The following NXN variants were observed in gnomAD, a reference collection of about 807,000 sequenced individuals.
The protein encoded by NXN is nucleoredoxin.
In NXN, 16 loss-of-function variants were observed where a neutral mutation model predicts 48.6. That is an observed-to-expected ratio of 0.33 (90% CI 0.22 to 0.50). The LOEUF is 0.50. NXN is among the 20% of genes least tolerant of loss of function. The probability of loss-of-function intolerance (pLI) is 0.98; values close to 1 mark genes in which losing one functional copy is unlikely to be tolerated. For synonymous variants in NXN, 281 were observed against 269.6 expected, an observed-to-expected ratio of 1.04 and a Z score of -0.41; for missense variants, 492 against 605.5, an observed-to-expected ratio of 0.81 and a Z score of 1.97.
At chr17:803,842 A>G (rs1911336697) in intron 6 of NXN, 36 bp from the exon 7 acceptor site, 2 of 1,612,470 alleles carry the variant, frequency 1.2e-6, no homozygotes, top group Admixed American at 1.7e-5. Context: ...AGACGGGGAG[A>G]AAAAGCACTG....
chr17:878,584 G>C (rs1380412263), intron 1 of NXN, among the ~76,000 whole-genome samples: 1 of 151,852 alleles, frequency 6.6e-6, no homozygotes, highest in Admixed American at 6.6e-5. Flanking sequence ...CACCCGTAAT[G>C]AGGGCTGGCC....
intron 1 of NXN, among the ~76,000 whole-genome samples, chr17:934,880 G>A (rs118084452): frequency 2.0e-5 from 3 of 152,014 alleles, no homozygotes; most frequent in African/African-American, 7.2e-5. Context: ...TCAAAAAAAA[G>A]AAAAGAAAGA....
At position 920,616 on chromosome 17, in the gene NXN, G is replaced by A. The variant is rs1292826769; in HGVS notation, c.360+58703C>T. On this transcript the variant is annotated intron_variant, in intron 1 of 7. Coordinates refer to ENST00000336868, the MANE Select transcript of NXN (RefSeq NM_022463.5). This position sits in a 1 kb window ranked among gnomAD's most constrained non-coding sequence, Gnocchi z 4.6. ...TAGCCCAGGGTGGGTCTCATCAACT[G>A]TACCCTCACTGGCAGCACCCAGGAC... is the stretch of plus-strand genomic sequence containing the variant. Among the ~76,000 whole-genome samples, 2 of 151,960 alleles carry A rather than the reference G, an allele frequency of 1.3e-5. No homozygotes were observed. The highest frequency in any genetic ancestry group is 2.4e-5 in the African/African-American group (1 of 41,370).
At chr17:939,975 C>T (rs1283145393) in intron 1 of NXN, among the ~76,000 whole-genome samples, 1 of 151,810 alleles carries the variant, frequency 6.6e-6, no homozygotes, top group Non-Finnish European at 1.5e-5. Flanking sequence ...TTGCTGTCAT[C>T]CAGGCTGGAG....
Position 905,270 on chromosome 17 carries a change from T to TATATATATAG in NXN, c.360+74048_360+74049insCTATATATAT, listed in dbSNP as rs1488360942. The TATATATATAG allele has an allele frequency of 2.5e-4, 37 of 149,492 alleles. No individual in the cohort carries two copies. The East Asian group carries it at 4.2e-3, about 17-fold the overall frequency. 9.3% of individuals were successfully genotyped at this position (149,492 alleles called of 1,614,324 possible). On this transcript the variant is annotated intron_variant, in intron 1 of 7. Transcript: ENST00000336868. ...GTAAATGTAAATATATATATATATA[T>TATATATATAG]ATAGATGCCGGGCATGGTAATGCAC... is the stretch of plus-strand genomic sequence containing the variant.
At chr17:942,222 A>G (rs2068984597) in intron 1 of NXN, among the ~76,000 whole-genome samples, 1 of 141,274 alleles carries the variant, frequency 7.1e-6, no homozygotes, top group Non-Finnish European at 1.5e-5. Context: ...ACAGTGAACA[A>G]GATTCCAGGG....
chr17:902,395 G>A (rs765742786), intron 1 of NXN, among the ~76,000 whole-genome samples: 8 of 152,144 alleles, frequency 5.3e-5, no homozygotes, highest in Non-Finnish European at 5.9e-5. Flanking sequence ...TGAAAATCAC[G>A]GTGAAGGTCC....
At chr17:833,171 A>G (rs372764925) in intron 1 of NXN, among the ~76,000 whole-genome samples, 39 of 152,196 alleles carry the variant, frequency 2.6e-4, no homozygotes, top group East Asian at 2.1e-3. Flanking sequence ...GATTACAGGC[A>G]TGAGCCACCG....
At chr17:888,775 A>T (rs1221547343) in intron 1 of NXN, among the ~76,000 whole-genome samples, 7 of 151,286 alleles carry the variant, frequency 4.6e-5, no homozygotes, top group South Asian at 2.1e-4. Context: ...ACCAACATGG[A>T]GAAACCCCGT....
chr17:886,394 C>T (rs924796300), intron 1 of NXN, among the ~76,000 whole-genome samples: 2 of 152,148 alleles, frequency 1.3e-5, no homozygotes, highest in African/African-American at 4.8e-5. Context: ...TTCCAAGAGA[C>T]GTAAGATAGA....
At chr17:877,446 G>C (rs1177370057) in intron 1 of NXN, among the ~76,000 whole-genome samples, 2 of 152,120 alleles carry the variant, frequency 1.3e-5, no homozygotes, top group African/African-American at 4.8e-5. Flanking sequence ...GCGCCCGGCC[G>C]CGACTGTGTT....
At chr17:882,856 G>A (rs564629020) in intron 1 of NXN, among the ~76,000 whole-genome samples, 3 of 152,146 alleles carry the variant, frequency 2.0e-5, no homozygotes, top group African/African-American at 7.2e-5. Context: ...TCTGTCTCCC[G>A]GGTTCAAGCG....
intron 1 of NXN, among the ~76,000 whole-genome samples, chr17:967,370 G>A (rs1044439211): frequency 1.3e-5 from 2 of 152,220 alleles, no homozygotes; most frequent in African/African-American, 4.8e-5. Flanking sequence ...CGCAGAGACA[G>A]GCGGGGCGGG....
chr17:947,142 C>T (rs2069052723), intron 1 of NXN, among the ~76,000 whole-genome samples: 1 of 152,164 alleles, frequency 6.6e-6, no homozygotes, highest in Non-Finnish European at 1.5e-5. Flanking sequence ...GCGTCCCCCT[C>T]GGTTACGAAC....
chr17:844,332 G>A (rs2067836100), intron 1 of NXN, among the ~76,000 whole-genome samples: 1 of 146,218 alleles, frequency 6.8e-6, no homozygotes, highest in Non-Finnish European at 1.5e-5. Context: ...GCTGGAAGGT[G>A]GAGACCAGGC....
intron 1 of NXN, among the ~76,000 whole-genome samples, chr17:943,247 C>T (rs1347452351): frequency 6.6e-6 from 1 of 152,156 alleles, no homozygotes; most frequent in Non-Finnish European, 1.5e-5. Context: ...AGGTGCTTGT[C>T]CTGCATGAAG....
At chr17:881,007 G>T (rs745809415) in intron 1 of NXN, among the ~76,000 whole-genome samples, 5 of 152,152 alleles carry the variant, frequency 3.3e-5, no homozygotes, top group African/African-American at 1.2e-4. Context: ...AGGTAGCTGA[G>T]CCGTGGCCCA....
intron 1 of NXN, among the ~76,000 whole-genome samples, chr17:848,979 C>G (rs149810025): frequency 6.6e-6 from 1 of 152,220 alleles, no homozygotes; most frequent in Non-Finnish European, 1.5e-5. Context: ...GCATCTCAAA[C>G]CTACCAGGCA....
chr17:867,314 C>T (rs1441943221), intron 1 of NXN, among the ~76,000 whole-genome samples: 3 of 118,658 alleles, frequency 2.5e-5, no homozygotes, highest in Non-Finnish European at 5.2e-5. Context: ...AGCAAGTTCT[C>T]GGGGTTCTCC....
Sources: allele counts gnomAD v4.1 joint callset (sites outside exome capture counted in the v4.1 genomes callset), GRCh38; gene constraint gnomAD v4.1.1; non-coding constraint Gnocchi (gnomAD v3.1); transcripts MANE v1.5; gene names NCBI Gene and HGNC (gene_info 2026-07-23, HGNC 2026-07-21).